TAS2R1: variants seen among roughly 807,000 people sequenced by gnomAD.
TAS2R1 encodes taste 2 receptor member 1.
For missense variants in TAS2R1, 370 were observed against 353.4 expected, an observed-to-expected ratio of 1.05 and a Z score of -0.38; for synonymous variants, 141 against 134.2, an observed-to-expected ratio of 1.05 and a Z score of -0.35.
the TAS2R1 span, among the ~76,000 whole-genome samples, chr5:9,808,661 CAG>C: frequency 7.6e-4 from 116 of 152,138 alleles, no homozygotes; most frequent in African/African-American, 1.2e-3. Flanking sequence ...TGAAAAGAAA[CAG>C]AGAAAATGAG....
intron 1 of TAS2R1, among the ~76,000 whole-genome samples, chr5:9,693,345 A>G (rs1741287692): frequency 6.6e-6 from 1 of 151,818 alleles, no homozygotes; most frequent in South Asian, 2.1e-4. Flanking sequence ...AAAAATACAA[A>G]ATTTTTAGTT....
chr5:9,881,825 G>T, the TAS2R1 span, among the ~76,000 whole-genome samples: 1 of 152,008 alleles, frequency 6.6e-6, no homozygotes, highest in African/African-American at 2.4e-5. Flanking sequence ...TTGAAACTGG[G>T]CCCCTTCCTT....
At chr5:9,663,436 T>C (rs534441429) in intron 1 of TAS2R1, among the ~76,000 whole-genome samples, 3 of 152,302 alleles carry the variant, frequency 2.0e-5, no homozygotes, top group Admixed American at 2.0e-4. Flanking sequence ...CAGCTGCCTA[T>C]AATAGCTCAA....
chr5:9,783,406 A>G, the TAS2R1 span, among the ~76,000 whole-genome samples: 3 of 152,198 alleles, frequency 2.0e-5, no homozygotes, highest in Non-Finnish European at 4.4e-5. Context: ...GGCCTGGAGA[A>G]GGCCCCATCC....
chr5:9,809,131 T>G, the TAS2R1 span, among the ~76,000 whole-genome samples: 1 of 152,210 alleles, frequency 6.6e-6, no homozygotes, highest in Non-Finnish European at 1.5e-5. Context: ...CACAGATTCA[T>G]AGCTGGAGAG....
the TAS2R1 span, among the ~76,000 whole-genome samples, chr5:9,809,483 C>A: frequency 1.3e-5 from 2 of 152,016 alleles, no homozygotes; most frequent in African/African-American, 4.8e-5. Flanking sequence ...GGAGGAGATA[C>A]CAGGCCTACG....
chr5:9,837,887 A>G, the TAS2R1 span, among the ~76,000 whole-genome samples: 62,080 of 152,032 alleles, frequency 0.41, 13,112 homozygotes, highest in East Asian at 0.58. Context: ...GTAGGTTCAC[A>G]TTAGATAGGC....
chr5:9,850,136 A>G, the TAS2R1 span, among the ~76,000 whole-genome samples: 1 of 151,938 alleles, frequency 6.6e-6, no homozygotes, highest in African/African-American at 2.4e-5. Flanking sequence ...CCAAACACCT[A>G]TCCCCTGGGC....
At chr5:9,678,222 C>A (rs1278688780) in intron 1 of TAS2R1, among the ~76,000 whole-genome samples, 3 of 151,868 alleles carry the variant, frequency 2.0e-5, no homozygotes, top group African/African-American at 7.3e-5. Context: ...AAATCAAAAC[C>A]ACAGTGAGAT....
chr5:9,879,649 T>C, the TAS2R1 span, among the ~76,000 whole-genome samples: 12 of 152,336 alleles, frequency 7.9e-5, no homozygotes, highest in Middle Eastern at 3.4e-3. Context: ...CCCCATACTT[T>C]ATACACTTGT....
chr5:9,834,222 C>T, the TAS2R1 span, among the ~76,000 whole-genome samples: 1 of 152,226 alleles, frequency 6.6e-6, no homozygotes, highest in Non-Finnish European at 1.5e-5. Context: ...GGGATCCCAA[C>T]TGCCTGGGTC....
chr5:9,862,200 TA>T, the TAS2R1 span, among the ~76,000 whole-genome samples: 108 of 150,026 alleles, frequency 7.2e-4, 2 homozygotes, highest in Middle Eastern at 6.9e-3. Flanking sequence ...ACGTTAAGTT[TA>T]AAAAAAAAAA....
At chr5:9,828,924 G>T in the TAS2R1 span, among the ~76,000 whole-genome samples, 1 of 152,160 alleles carries the variant, frequency 6.6e-6, no homozygotes, top group Non-Finnish European at 1.5e-5. Flanking sequence ...TTTTACTTCA[G>T]GTTGGTGGAG....
the TAS2R1 span, chr5:9,890,017 A>G: frequency 6.6e-6 from 1 of 152,216 alleles, no homozygotes; most frequent in East Asian, 1.9e-4. Flanking sequence ...GGGGCTAAAG[A>G]TATAAATCTA....
chr5:9,900,304 C>T, the TAS2R1 span, among the ~76,000 whole-genome samples: 2 of 152,226 alleles, frequency 1.3e-5, no homozygotes, highest in South Asian at 4.1e-4. Flanking sequence ...CCACCTCTGA[C>T]AAACACTATC....
upstream of TAS2R1, chr5:9,713,179 TC>T (rs981872133): frequency 1.3e-5 from 2 of 152,122 alleles, no homozygotes; most frequent in Non-Finnish European, 2.9e-5. Flanking sequence ...CATGACAACT[TC>T]CTTTATGTGG....
intron 1 of TAS2R1, among the ~76,000 whole-genome samples, chr5:9,702,570 C>G (rs568521499): frequency 6.6e-6 from 1 of 152,278 alleles, no homozygotes; most frequent in Non-Finnish European, 1.5e-5. Flanking sequence ...CCGGCTGAGC[C>G]TGGCCTAAAT....
the TAS2R1 span, among the ~76,000 whole-genome samples, chr5:9,845,367 C>A: frequency 6.6e-6 from 1 of 152,312 alleles, no homozygotes; most frequent in African/African-American, 2.4e-5. Flanking sequence ...TCTGCTTTAT[C>A]TCCCCCGTAG....
chr5:9,813,441 TC>T, the TAS2R1 span, among the ~76,000 whole-genome samples: 1 of 152,130 alleles, frequency 6.6e-6, no homozygotes, highest in Non-Finnish European at 1.5e-5. Context: ...CTGGCCCTTC[TC>T]CCACTTTGCT....
Sources: gnomAD v4.1 joint callset for allele counts (sites outside exome capture counted in the v4.1 genomes callset) on GRCh38, gnomAD v4.1.1 for gene constraint, MANE v1.5 for transcripts, NCBI Gene and HGNC (gene_info 2026-07-23, HGNC 2026-07-21) for gene names.